Variants in CSPP1 observed in about 807,000 individuals in gnomAD.
The protein encoded by CSPP1 is centrosome and spindle pole-associated protein 1.
CSPP1 carries 126 observed loss-of-function variants against 164.4 expected under a neutral mutation model. The ratio of observed to expected loss-of-function variants is 0.77; its 90% CI spans 0.66 to 0.89. The LOEUF (loss-of-function observed/expected upper bound fraction) is 0.89. CSPP1 is among the 40% of genes least tolerant of loss of function. The pLI, the probability that CSPP1 is intolerant of heterozygous loss-of-function variation, is 0.00. For synonymous variants in CSPP1, 472 were observed against 476.7 expected, an observed-to-expected ratio of 0.99 and a Z score of 0.13; for missense variants, 1,395 against 1,449.8, an observed-to-expected ratio of 0.96 and a Z score of 0.61.
intron 19 of CSPP1, among the ~76,000 whole-genome samples, chr8:67,157,453 G>A (rs577054286): frequency 1.3e-3 from 203 of 152,032 alleles, no homozygotes; most frequent in African/African-American, 4.7e-3. Flanking sequence ...ACACCACCAC[G>A]CCTGGCTAAT....
intron 17 of CSPP1, among the ~76,000 whole-genome samples, chr8:67,143,092 G>A (rs569462411): frequency 7.2e-4 from 109 of 151,304 alleles, no homozygotes; most frequent in African/African-American, 2.5e-3. Flanking sequence ...TTTTCCTAAT[G>A]TCCTTATTGT....
Position 67,193,539 on chromosome 8 carries a change from A to G in CSPP1, c.3406A>G (p.Arg1136Gly). The part of the protein sequence containing the change: ...SISSVNVDEL[R>G]VRNEERMRRL... Reference sequence around the variant, plus strand: ...ATCCAGTGTAAATGTTGATGAGCTTAGAGTGAGAAATGAGGAACGAATGCG... The same window carrying G: ...ATCCAGTGTAAATGTTGATGAGCTTGGAGTGAGAAATGAGGAACGAATGCG... Residue 1136 changes from arginine (R) to glycine (G), a missense_variant, in exon 30 of 31, where the codon AGA becomes GGA. Coordinates refer to ENST00000678616, the MANE Select transcript of CSPP1 (RefSeq NM_001382391.1). 2.5e-6 allele frequency: 4 copies of G among 1,613,430 alleles called. No individual in the cohort carries two copies. Among genetic ancestry groups the G allele is most frequent in the Non-Finnish European group, 3.4e-6 (4 of 1,179,324 alleles).
chr8:67,171,326 G>A (rs992042803), intron 24 of CSPP1, among the ~76,000 whole-genome samples: 2 of 151,118 alleles, frequency 1.3e-5, no homozygotes, highest in Non-Finnish European at 3.0e-5. Flanking sequence ...GCTTAAACCC[G>A]GGAGGAGGAG....
At chr8:67,064,636 G>A in intron 1 of CSPP1, 98 bp downstream of exon 1, 2 of 1,152,982 alleles carry the variant, frequency 1.7e-6, no homozygotes, top group Non-Finnish European at 1.2e-6. Context: ...TCGGGGCGTA[G>A]GTCTCGAGGC....
chr8:67,120,720 A>G (rs1818805802), intron 15 of CSPP1, among the ~76,000 whole-genome samples: 1 of 152,068 alleles, frequency 6.6e-6, no homozygotes, highest in Non-Finnish European at 1.5e-5. Context: ...GTATCCTGTT[A>G]CTTTACTGAA....
intron 17 of CSPP1, 85 bp downstream of exon 17, chr8:67,137,688 A>C (rs1822635160): frequency 5.0e-6 from 4 of 801,608 alleles, no homozygotes; most frequent in Middle Eastern, 3.2e-4. Context: ...AAAAAGTAGG[A>C]ATCATAGCCT....
intron 10 of CSPP1, 72 bp downstream of exon 10, chr8:67,112,137 A>T: frequency 2.0e-6 from 2 of 985,218 alleles, no homozygotes; most frequent in South Asian, 2.9e-5. Context: ...ACATGGTTAA[A>T]TAAGGGGTTG....
At position 67,195,659 on chromosome 8, in the gene CSPP1, A is replaced by G; in HGVS notation, c.*66A>G. The G allele has an allele frequency of 2.8e-6, 4 of 1,409,578 alleles. No individual in the cohort carries two copies. The highest frequency in any genetic ancestry group is 4.0e-6 in the Non-Finnish European group (4 of 1,009,562). 87.3% of individuals were successfully genotyped at this position (1,409,578 alleles called of 1,614,324 possible). ...AAGGAATGGTAAATCTGTACCTTTA[A>G]TATGTCCTACTTTTGGCCCCTACCT... is the stretch of plus-strand genomic sequence containing the variant. On this transcript the variant is annotated 3_prime_UTR_variant, in exon 31 of 31. Coordinates refer to ENST00000678616, the MANE Select transcript of CSPP1 (RefSeq NM_001382391.1).
chr8:67,176,414 A>C (rs1178805609), intron 26 of CSPP1, among the ~76,000 whole-genome samples: 1 of 152,210 alleles, frequency 6.6e-6, no homozygotes, highest in Non-Finnish European at 1.5e-5. Context: ...CCCAGATCAT[A>C]GGTCAAGACT....
intron 24 of CSPP1, among the ~76,000 whole-genome samples, chr8:67,167,839 C>T (rs1221110198): frequency 1.3e-5 from 2 of 152,076 alleles, no homozygotes; most frequent in Admixed American, 1.3e-4. Flanking sequence ...AGGGGCTCCT[C>T]ACATCCCAGA....
In CSPP1 at chr8:67,064,415, A is replaced by T; in HGVS notation, c.-134A>T. 1 of 1,613,776 alleles carries T rather than the reference A, an allele frequency of 6.2e-7. No homozygotes were observed. The highest frequency in any genetic ancestry group is 8.5e-7 in the Non-Finnish European group (1 of 1,179,854). ...AGGTCTGTCATGCTGTTCCCGCTCCAGGTGGCCGCTGTAACCTCTTCGGTC... is the reference window on the plus strand; with the variant it reads ...AGGTCTGTCATGCTGTTCCCGCTCCTGGTGGCCGCTGTAACCTCTTCGGTC... On this transcript the variant is annotated 5_prime_UTR_variant, in exon 1 of 31. Coordinates refer to ENST00000678616, the MANE Select transcript of CSPP1 (RefSeq NM_001382391.1).
rs1821354546 is a variant in CSPP1 at position 67,132,136 on chromosome 8, C to T, written c.1827+56C>T. On this transcript the variant is annotated intron_variant, in intron 16 of 30. Coordinates refer to ENST00000678616, the MANE Select transcript of CSPP1 (RefSeq NM_001382391.1). ...ACCTCTTAAGTGTAAGCATGGTGGTCCCTTAGAGCTCAGAGTGTGGCCGGG... is the reference window on the plus strand; with the variant it reads ...ACCTCTTAAGTGTAAGCATGGTGGTTCCTTAGAGCTCAGAGTGTGGCCGGG... 5 of 1,507,652 alleles carry T rather than the reference C, an allele frequency of 3.3e-6. No homozygotes were observed. In the Admixed American group the frequency reaches 6.1e-5, roughly 18 times the overall value. 93.4% of individuals were successfully genotyped at this position (1,507,652 alleles called of 1,614,324 possible). A position where few individuals can be genotyped will look rare whatever the true frequency, so the allele number is the denominator to read the frequency against.
chr8:67,160,038 T>TTTTCTTTTCTTTTCTTTTC, intron 21 of CSPP1, among the ~76,000 whole-genome samples: 1 of 96,798 alleles, frequency 1.0e-5, no homozygotes, highest in Admixed American at 1.2e-4. Context: ...TTTCTTTTTC[T>TTTTCTTTTCTTTTCTTTTC]TTTTCTTTTT....
At chr8:67,189,235 T>TA (rs755514105) in intron 28 of CSPP1, among the ~76,000 whole-genome samples, 5 of 152,172 alleles carry the variant, frequency 3.3e-5, no homozygotes, top group Admixed American at 1.3e-4. Context: ...AGCATATTCT[T>TA]ACCATACAGT....
At chr8:67,126,507 T>C (rs1820094583) in intron 15 of CSPP1, among the ~76,000 whole-genome samples, 1 of 152,182 alleles carries the variant, frequency 6.6e-6, no homozygotes, top group African/African-American at 2.4e-5. Flanking sequence ...TTTAAAAGCT[T>C]TGACCCAATA....
At chr8:67,107,630 A>G (rs1815858610) in intron 9 of CSPP1, among the ~76,000 whole-genome samples, 1 of 152,142 alleles carries the variant, frequency 6.6e-6, no homozygotes, top group East Asian at 1.9e-4. Flanking sequence ...GAAACTTACG[A>G]TTTCCAGAGA....
chr8:67,132,123 TA>T, intron 16 of CSPP1, 43 bp downstream of exon 16: 1 of 1,565,286 alleles, frequency 6.4e-7, no homozygotes, highest in East Asian at 2.3e-5. Context: ...CTCTTAAGTG[TA>T]AGCATGGTGG....
intron 6 of CSPP1, among the ~76,000 whole-genome samples, chr8:67,094,756 C>A (rs1315674516): frequency 6.6e-6 from 1 of 152,116 alleles, no homozygotes; most frequent in Non-Finnish European, 1.5e-5. Context: ...AAACCACAAT[C>A]AAGATAACGA....
chr8:67,075,300 A>C (rs1807680476), intron 2 of CSPP1, among the ~76,000 whole-genome samples: 1 of 152,216 alleles, frequency 6.6e-6, no homozygotes, highest in Non-Finnish European at 1.5e-5. Flanking sequence ...CATATGGTTC[A>C]TCATAATGAC....
Sources: gnomAD v4.1 joint callset for allele counts (sites outside exome capture counted in the v4.1 genomes callset) on GRCh38, gnomAD v4.1.1 for gene constraint, MANE v1.5 for transcripts, NCBI Gene and HGNC (gene_info 2026-07-23, HGNC 2026-07-21) for gene names.